ROBO2: variants seen among roughly 807,000 people sequenced by gnomAD.
The protein encoded by ROBO2 is roundabout homolog 2.
In ROBO2, 53 loss-of-function variants were observed where a neutral mutation model predicts 160.8. The ratio of observed to expected loss-of-function variants is 0.33; its 90% CI spans 0.26 to 0.41. ROBO2 has a LOEUF of 0.41. Ranked by LOEUF, ROBO2 falls within the 10% of genes least tolerant of loss-of-function variation. The pLI is 1.00. For synonymous variants in ROBO2, 664 were observed against 611.7 expected, an observed-to-expected ratio of 1.09 and a Z score of -1.26; for missense variants, 1,577 against 1,722.4, an observed-to-expected ratio of 0.92 and a Z score of 1.49.
chr3:76,350,491 A>C (rs896879938), intron 2 of ROBO2, among the ~76,000 whole-genome samples: 5 of 152,074 alleles, frequency 3.3e-5, no homozygotes, highest in African/African-American at 4.8e-5. Flanking sequence ...TTATAACAAG[A>C]CTTATACCAA....
At position 75,976,521 on chromosome 3, in the gene ROBO2, G is replaced by GAA. The variant is rs2065137838; in HGVS notation, c.109+38920_109+38921insAA. On this transcript the variant is annotated intron_variant, in intron 2 of 26. Coordinates refer to the ROBO2 transcript ENST00000487694. ...ATTTTTTGTGACTCTCAGAGCGGAA[G>GAA]AGAGGAACTTCAAAGACATTAGCAA... Among the ~76,000 whole-genome samples the GAA allele has an allele frequency of 3.3e-5, 5 of 151,542 alleles. No homozygotes were observed. In the Admixed American group the frequency reaches 3.3e-4, roughly 10 times the overall value.
At chr3:77,307,824 A>G (rs541985885) in intron 2 of ROBO2, among the ~76,000 whole-genome samples, 72 of 152,256 alleles carry the variant, frequency 4.7e-4, no homozygotes, top group African/African-American at 1.7e-3. Flanking sequence ...TGGTGGTTGC[A>G]GTGAGCTAAG....
chr3:77,298,833 G>T (rs148584295), intron 2 of ROBO2, among the ~76,000 whole-genome samples: 1 of 152,248 alleles, frequency 6.6e-6, no homozygotes, highest in East Asian at 1.9e-4. Flanking sequence ...AATAGACCCT[G>T]CCCTGAAAGT....
chr3:76,480,966 A>T (rs988351328), intron 2 of ROBO2, among the ~76,000 whole-genome samples: 2 of 152,202 alleles, frequency 1.3e-5, no homozygotes, highest in African/African-American at 4.8e-5. Flanking sequence ...TATAAATTTT[A>T]TAGAGATTGT....
intron 2 of ROBO2, among the ~76,000 whole-genome samples, chr3:76,222,274 G>A (rs983629565): frequency 1.3e-5 from 2 of 152,114 alleles, no homozygotes; most frequent in Non-Finnish European, 2.9e-5. Flanking sequence ...AGAGGCATAA[G>A]GTAGAAGGAG....
chr3:77,087,678 A>G (rs1016678955), intron 1 of ROBO2, among the ~76,000 whole-genome samples: 1 of 152,030 alleles, frequency 6.6e-6, no homozygotes, highest in Non-Finnish European at 1.5e-5. Flanking sequence ...AATATTATAT[A>G]TACATGTGTG....
At chr3:77,366,905 C>T (rs2070985848) in intron 2 of ROBO2, among the ~76,000 whole-genome samples, 1 of 143,410 alleles carries the variant, frequency 7.0e-6, no homozygotes. Context: ...CCCCCCGACA[C>T]TCACAGTCCC....
In ROBO2 at chr3:77,373,140, A is replaced by T. The variant is rs961759956; in HGVS notation, c.389-104274A>T. ...ATTATAAAAGTTATAAAATTATTATAAAAATTATTATAAAATTATTATTAA... is the reference window on the plus strand; with the variant it reads ...ATTATAAAAGTTATAAAATTATTATTAAAATTATTATAAAATTATTATTAA... On this transcript the variant is annotated intron_variant, in intron 2 of 25. Coordinates refer to ENST00000461745, the Ensembl canonical transcript of ROBO2. Among the ~76,000 whole-genome samples, 71 of 147,210 alleles carry T rather than the reference A, an allele frequency of 4.8e-4. 1 individual carries two copies. Among genetic ancestry groups the T allele is most frequent in the African/African-American group, 1.4e-3 (59 of 40,844 alleles).
chr3:77,380,106 C>T (rs1005851624), intron 2 of ROBO2, among the ~76,000 whole-genome samples: 2 of 152,196 alleles, frequency 1.3e-5, no homozygotes, highest in African/African-American at 4.8e-5. Flanking sequence ...AGTGAGTCTA[C>T]TAATATTAAT....
intron 2 of ROBO2, among the ~76,000 whole-genome samples, chr3:76,018,821 C>T (rs2066478944): frequency 6.6e-6 from 1 of 151,088 alleles, no homozygotes; most frequent in African/African-American, 2.4e-5. Flanking sequence ...GTTAGTTTTT[C>T]TCTGAAGTTC....
chr3:76,375,996 C>T (rs2076327389), intron 2 of ROBO2, among the ~76,000 whole-genome samples: 2 of 151,932 alleles, frequency 1.3e-5, no homozygotes, highest in Admixed American at 6.6e-5. Flanking sequence ...TATTGCATTG[C>T]ACTGTTTCGT....
Position 76,396,605 on chromosome 3 carries a change from G to A in ROBO2, c.109+459003G>A, listed in dbSNP as rs542128091. On this transcript the variant is annotated intron_variant, in intron 2 of 26. Coordinates refer to the ROBO2 transcript ENST00000487694. Reference sequence around the variant, plus strand: ...TCTCAGCCCAAAATCTCCTTAAGCTGATAAGCAACTTCAGCAAAGTCTCAG... The same window carrying A: ...TCTCAGCCCAAAATCTCCTTAAGCTAATAAGCAACTTCAGCAAAGTCTCAG... Among the ~76,000 whole-genome samples the A allele has an allele frequency of 1.4e-3, 215 of 152,230 alleles. 1 individual carries two copies. The highest frequency in any genetic ancestry group is 5.1e-3 in the African/African-American group (210 of 41,544).
intron 2 of ROBO2, among the ~76,000 whole-genome samples, chr3:77,245,929 G>A (rs911147214): frequency 6.6e-6 from 1 of 152,184 alleles, no homozygotes; most frequent in Non-Finnish European, 1.5e-5. Context: ...CATGTACCAT[G>A]TAATGGGTGT....
At chr3:75,993,603 T>C (rs1267976889) in intron 2 of ROBO2, among the ~76,000 whole-genome samples, 1 of 152,232 alleles carries the variant, frequency 6.6e-6, no homozygotes, top group African/African-American at 2.4e-5. Flanking sequence ...TTTCAGTTTT[T>C]TTAATTCGCA....
chr3:76,494,907 A>G (rs981790070), intron 2 of ROBO2, among the ~76,000 whole-genome samples: 2 of 152,186 alleles, frequency 1.3e-5, no homozygotes, highest in Non-Finnish European at 2.9e-5. Context: ...GACAATTAGG[A>G]GCAACTGCTT....
At chr3:77,038,613 T>C (rs1337298075), upstream of ROBO2, among the ~76,000 whole-genome samples, 1 of 152,078 alleles carries the variant, frequency 6.6e-6, no homozygotes, top group Non-Finnish European at 1.5e-5. Flanking sequence ...TTAGCTCGGC[T>C]CGGGGACCTG....
At chr3:76,649,746 A>C (rs2109857603) in intron 2 of ROBO2, among the ~76,000 whole-genome samples, 1 of 152,288 alleles carries the variant, frequency 6.6e-6, no homozygotes, top group Non-Finnish European at 1.5e-5. Flanking sequence ...AAACATTTAC[A>C]TTAAAAGAAC....
chr3:76,382,588 A>AAAAC (rs570481949), intron 2 of ROBO2, among the ~76,000 whole-genome samples: 2 of 152,254 alleles, frequency 1.3e-5, no homozygotes, highest in African/African-American at 2.4e-5. Context: ...CTCCGTCTCA[A>AAAAC]AAACAAACAA....
chr3:76,888,097 G>C (rs1050748204), intron 2 of ROBO2, among the ~76,000 whole-genome samples: 2 of 152,208 alleles, frequency 1.3e-5, no homozygotes, highest in African/African-American at 4.8e-5. Flanking sequence ...GCCGGGCACA[G>C]TGGCTCACAC....
Sources: allele counts gnomAD v4.1 joint callset (sites outside exome capture counted in the v4.1 genomes callset), GRCh38; gene constraint gnomAD v4.1.1; transcripts MANE v1.5; gene names NCBI Gene and HGNC (gene_info 2026-07-23, HGNC 2026-07-21).